Variants in ADAMTSL3 observed in about 807,000 individuals in gnomAD.
ADAMTSL3 encodes the protein ADAMTS like 3.
Under a neutral mutation model 201.7 loss-of-function variants are expected in ADAMTSL3, and 128 were observed. The observed-to-expected ratio is 0.63, with a 90% CI of 0.55 to 0.73. ADAMTSL3 has a LOEUF of 0.73. Among genes scored for constraint, ADAMTSL3 ranks in the 30% least tolerant of loss-of-function variants. The probability of loss-of-function intolerance (pLI) is 0.00; values close to 1 mark genes in which losing one functional copy is unlikely to be tolerated. For synonymous variants in ADAMTSL3, 738 were observed against 748.4 expected (o/e 0.99, Z 0.23); for missense variants, 1,990 against 2,119.6 (o/e 0.94, Z 1.20).
At chr15:83,801,692 A>ATATATGTATG (rs1555445626) in intron 4 of ADAMTSL3, among the ~76,000 whole-genome samples, 1 of 86,212 alleles carries the variant, frequency 1.2e-5, no homozygotes, top group African/African-American at 4.1e-5. Flanking sequence ...ATATATATAT[A>ATATATGTATG]TATGTATGTA....
chr15:83,748,514 G>A (rs528326243), intron 3 of ADAMTSL3, among the ~76,000 whole-genome samples: 3 of 152,010 alleles, frequency 2.0e-5, no homozygotes, highest in Non-Finnish European at 2.9e-5. Flanking sequence ...AGCCAGGCAT[G>A]GTGGTATGCA....
At position 83,801,658 on chromosome 15, in the gene ADAMTSL3, ATATATATATATAT is replaced by A. The variant is rs2063521172; in HGVS notation, c.318-2991_318-2979del. ...TATAAATATATAAATATAAATATAT[ATATATATATATAT>A]ATATATATATATATATATATATATG... On this transcript the variant is annotated intron_variant, in intron 4 of 29. Transcript: ENST00000286744. 1.4e-3 allele frequency among the ~76,000 whole-genome samples: 97 copies of A among 68,826 alleles called. 9 individuals are homozygous for A. Among genetic ancestry groups the A allele is most frequent in the African/African-American group, 2.1e-3 (45 of 21,446 alleles). The allele number at this position is 68,826 out of a possible 152,430, so 45.2% of individuals were successfully genotyped here. A position where few individuals can be genotyped will look rare whatever the true frequency, so the allele number is the denominator to read the frequency against.
chr15:84,006,278 T>C (rs2067893478), intron 23 of ADAMTSL3, among the ~76,000 whole-genome samples: 1 of 152,242 alleles, frequency 6.6e-6, no homozygotes, highest in Non-Finnish European at 1.5e-5. Flanking sequence ...AGATAACTGA[T>C]GGTAGCTTAA....
At chr15:83,835,597 G>A (rs1433587969) in intron 6 of ADAMTSL3, among the ~76,000 whole-genome samples, 1 of 152,202 alleles carries the variant, frequency 6.6e-6, no homozygotes, top group East Asian at 1.9e-4. Context: ...GAAATGCAGA[G>A]TGCTCAGGGA....
intron 23 of ADAMTSL3, among the ~76,000 whole-genome samples, chr15:84,007,183 G>A (rs890746725): frequency 4.6e-5 from 7 of 152,104 alleles, no homozygotes; most frequent in Non-Finnish European, 1.0e-4. Flanking sequence ...AGAAGCTTGC[G>A]CTGGCATGGC....
At position 83,970,638 on chromosome 15, in the gene ADAMTSL3, G is replaced by T. The variant is rs1205177157; in HGVS notation, c.2644+1G>T. On this transcript the variant is annotated splice_donor_variant, in intron 20 of 29. Coordinates refer to ENST00000286744, the MANE Select transcript of ADAMTSL3 (RefSeq NM_207517.3). LOFTEE classifies it high-confidence loss of function. The stretch of plus-strand genomic sequence containing the variant: ...TCTTGCCAGATGCCTGAGTGCAGTA[G>T]TAAGTATGCGGTGTCCGCGCTTCAC... 1.9e-6 allele frequency: 3 copies of T among 1,614,010 alleles called. No homozygotes were observed.
At chr15:83,677,994 C>A (rs1208851425) in intron 2 of ADAMTSL3, among the ~76,000 whole-genome samples, 1 of 151,770 alleles carries the variant, frequency 6.6e-6, no homozygotes, top group Non-Finnish European at 1.5e-5. Context: ...CCCCTTCCTG[C>A]TTTATCTTAT....
rs760717467 is a variant in ADAMTSL3, at chr15:84,036,940, AAAAG to A, written c.4926_4929del (p.Lys1642AsnfsTer27). ...GTGGCCAAGAGACACTGTGTACAGA[AAAAG>A]AAACCAATTTCCTGGCGGCACTGTC... On this transcript the variant is annotated frameshift_variant, in exon 29 of 30. Coordinates refer to ENST00000286744, the MANE Select transcript of ADAMTSL3 (RefSeq NM_207517.3). LOFTEE classifies it low-confidence loss of function (END_TRUNC). 5.0e-6 allele frequency: 8 copies of A among 1,614,110 alleles called. No homozygotes were observed.
intron 7 of ADAMTSL3, among the ~76,000 whole-genome samples, chr15:83,855,473 G>C (rs1191229283): frequency 6.6e-6 from 1 of 152,200 alleles, no homozygotes; most frequent in Non-Finnish European, 1.5e-5. Flanking sequence ...TGTGAGTGAA[G>C]TCTTCCAGGG....
At chr15:83,930,733 G>A (rs1476727411) in intron 17 of ADAMTSL3, among the ~76,000 whole-genome samples, 7 of 152,118 alleles carry the variant, frequency 4.6e-5, no homozygotes, top group Admixed American at 4.6e-4. Context: ...ACTTTTCAAA[G>A]GTTGAGAGTT....
chr15:83,844,226 C>G (rs2064447179), intron 7 of ADAMTSL3, among the ~76,000 whole-genome samples: 1 of 152,156 alleles, frequency 6.6e-6, no homozygotes, highest in South Asian at 2.1e-4. Flanking sequence ...GCATTTTGCT[C>G]AAGTTTTGGC....
At chr15:83,867,847 C>G (rs979975186) in intron 8 of ADAMTSL3, among the ~76,000 whole-genome samples, 2 of 152,110 alleles carry the variant, frequency 1.3e-5, no homozygotes, top group African/African-American at 4.8e-5. Flanking sequence ...GATCCTTCAA[C>G]TAGAAGCAAT....
At chr15:83,976,024 A>T (rs1046820166) in intron 20 of ADAMTSL3, among the ~76,000 whole-genome samples, 2 of 152,166 alleles carry the variant, frequency 1.3e-5, no homozygotes, top group Non-Finnish European at 2.9e-5. Flanking sequence ...AGTAGAAGCA[A>T]TGGGGATGAA....
Position 83,869,871 on chromosome 15 carries a change from G to A in ADAMTSL3, c.803-931G>A, listed in dbSNP as rs867727806. Among the ~76,000 whole-genome samples, 6 of 152,080 alleles carry A rather than the reference G, an allele frequency of 3.9e-5. No individual in the cohort carries two copies. The South Asian group carries it at 8.3e-4, about 21-fold the overall frequency. ...AGGTATGAGGCAATGAAAACCCAAGGCAGAAAGTTAGAGAAAAATACGGGG... is the reference window on the plus strand; with the variant it reads ...AGGTATGAGGCAATGAAAACCCAAGACAGAAAGTTAGAGAAAAATACGGGG... On this transcript the variant is annotated intron_variant, in intron 8 of 29. Transcript: ENST00000286744.
chr15:83,716,564 A>T (rs549508863), intron 3 of ADAMTSL3, among the ~76,000 whole-genome samples: 8 of 151,934 alleles, frequency 5.3e-5, no homozygotes, highest in African/African-American at 1.9e-4. Flanking sequence ...TTCTTAAAAA[A>T]GTTAATTATT....
intron 2 of ADAMTSL3, among the ~76,000 whole-genome samples, chr15:83,686,540 A>T (rs140232094): frequency 6.6e-6 from 1 of 152,144 alleles, no homozygotes; most frequent in Non-Finnish European, 1.5e-5. Context: ...GGATTCTTCT[A>T]TGTGGTGTTC....
chr15:83,930,839 A>G (rs1427914129), intron 17 of ADAMTSL3, among the ~76,000 whole-genome samples: 1 of 152,230 alleles, frequency 6.6e-6, no homozygotes, highest in African/African-American at 2.4e-5. Flanking sequence ...TGGTGTAGGA[A>G]TAACAGGAAC....
chr15:83,762,891 CT>C (rs11352885), intron 3 of ADAMTSL3, among the ~76,000 whole-genome samples: 118,450 of 143,476 alleles, frequency 0.83, 49,098 homozygotes, highest in East Asian at 0.95. Flanking sequence ...TGATTTACTT[CT>C]TTTTTTTTTT....
intron 2 of ADAMTSL3, among the ~76,000 whole-genome samples, chr15:83,666,647 G>T (rs138449364): frequency 6.6e-6 from 1 of 152,060 alleles, no homozygotes; most frequent in African/African-American, 2.4e-5. Flanking sequence ...AGACCAGTCT[G>T]CACAATATAG....
Sources: allele counts gnomAD v4.1 joint callset (sites outside exome capture counted in the v4.1 genomes callset), GRCh38; gene constraint gnomAD v4.1.1; transcripts MANE v1.5; gene names NCBI Gene and HGNC (gene_info 2026-07-23, HGNC 2026-07-21).